Variants in GPHN observed in about 807,000 individuals in gnomAD.
GPHN encodes the protein gephyrin.
In GPHN, 17 loss-of-function variants were observed where a neutral mutation model predicts 95.5. That is an observed-to-expected ratio of 0.18 (90% CI 0.12 to 0.27). The LOEUF (loss-of-function observed/expected upper bound fraction) is 0.27. Ranked by LOEUF, GPHN falls within the 10% of genes least tolerant of loss-of-function variation. GPHN has a pLI of 1.00. For synonymous variants in GPHN, 320 were observed against 322.5 expected, an observed-to-expected ratio of 0.99 and a Z score of 0.08; for missense variants, 660 against 978.1, an observed-to-expected ratio of 0.67 and a Z score of 4.34.
chr14:67,137,208 C>T (rs919828540), intron 17 of GPHN, among the ~76,000 whole-genome samples: 2 of 150,992 alleles, frequency 1.3e-5, no homozygotes, highest in African/African-American at 2.4e-5. Context: ...TGCAGTGGCA[C>T]GATCTCTGCT....
downstream of GPHN, among the ~76,000 whole-genome samples, chr14:67,183,591 C>T (rs1429149297): frequency 1.3e-5 from 2 of 151,950 alleles, no homozygotes; most frequent in African/African-American, 4.8e-5. Flanking sequence ...GAGGTGGAGT[C>T]TTGCTCTTGT....
At chr14:67,281,226 A>G in the GPHN span, among the ~76,000 whole-genome samples, 316 of 152,154 alleles carry the variant, frequency 2.1e-3, no homozygotes, top group African/African-American at 7.2e-3. Flanking sequence ...ACTACATCAC[A>G]TCATCTTCTT....
At chr14:67,378,803 T>G in the GPHN span, among the ~76,000 whole-genome samples, 1 of 152,244 alleles carries the variant, frequency 6.6e-6, no homozygotes, top group Non-Finnish European at 1.5e-5. Context: ...TTTCTTTTAA[T>G]TACATAAAAT....
intron 2 of GPHN, among the ~76,000 whole-genome samples, chr14:66,734,717 C>A (rs1458742223): frequency 6.6e-6 from 1 of 152,156 alleles, no homozygotes; most frequent in South Asian, 2.1e-4. Context: ...GGATCATAAT[C>A]ATAGCAAACA....
intron 11 of GPHN, among the ~76,000 whole-genome samples, chr14:67,063,403 T>G (rs1214532616): frequency 1.3e-5 from 2 of 152,226 alleles, no homozygotes; most frequent in African/African-American, 4.8e-5. Context: ...TAGGATTGTC[T>G]TGGCAATGAG....
At chr14:67,569,146 G>T in the GPHN span, 1 of 1,611,382 alleles carries the variant, frequency 6.2e-7, no homozygotes, top group Non-Finnish European at 8.5e-7. Flanking sequence ...AGGAGAGCCG[G>T]ATCTATGCTG....
chr14:67,596,225 T>A, the GPHN span, among the ~76,000 whole-genome samples: 1 of 151,378 alleles, frequency 6.6e-6, no homozygotes, highest in Non-Finnish European at 1.5e-5. Flanking sequence ...ACCTCCCGGG[T>A]TCAAGTGATT....
At chr14:67,340,541 A>C in the GPHN span, 2 of 1,579,880 alleles carry the variant, frequency 1.3e-6, no homozygotes, top group Non-Finnish European at 1.7e-6. Context: ...AAAAAATAAT[A>C]TGTGTGAGAA....
chr14:66,842,267 C>T (rs1596108606), intron 4 of GPHN, among the ~76,000 whole-genome samples: 1 of 152,256 alleles, frequency 6.6e-6, no homozygotes, highest in East Asian at 1.9e-4. Context: ...GATTCTTTCT[C>T]ATCCACTTTC....
At chr14:67,615,691 C>T in the GPHN span, 31 of 492,734 alleles carry the variant, frequency 6.3e-5, no homozygotes, top group Middle Eastern at 1.9e-3. Context: ...AGACAAGGCC[C>T]GTTACGAAAG....
chr14:66,743,675 G>A (rs2072998568), intron 2 of GPHN, among the ~76,000 whole-genome samples: 1 of 152,182 alleles, frequency 6.6e-6, no homozygotes, highest in Non-Finnish European at 1.5e-5. Flanking sequence ...ACGGGAGGCG[G>A]TGCTTGCAGT....
chr14:67,133,529 G>A (rs538726903), intron 17 of GPHN, among the ~76,000 whole-genome samples: 1 of 152,134 alleles, frequency 6.6e-6, no homozygotes, highest in East Asian at 1.9e-4. Flanking sequence ...CCAGAATCAG[G>A]ATTATAGTAA....
At chr14:67,616,137 AC>A in the GPHN span, 3 of 259,180 alleles carry the variant, frequency 1.2e-5, no homozygotes, top group Non-Finnish European at 2.4e-5. Context: ...AAAGCATTTA[AC>A]CCCCCTGTAC....
the GPHN span, among the ~76,000 whole-genome samples, chr14:67,284,745 T>C: frequency 6.6e-6 from 1 of 151,944 alleles, no homozygotes; most frequent in South Asian, 2.1e-4. Flanking sequence ...TTACATAACA[T>C]AGGCTCTTTT....
chr14:66,720,411 G>T (rs1257642550), intron 2 of GPHN, among the ~76,000 whole-genome samples: 1 of 152,072 alleles, frequency 6.6e-6, no homozygotes, highest in East Asian at 1.9e-4. Flanking sequence ...AAAATTTGCT[G>T]GGGGTGGTTG....
At chr14:67,522,204 A>G in the GPHN span, among the ~76,000 whole-genome samples, 1 of 152,080 alleles carries the variant, frequency 6.6e-6, no homozygotes, top group Non-Finnish European at 1.5e-5. Context: ...AAAAGGAAAG[A>G]AAGTTGGGGA....
the GPHN span, among the ~76,000 whole-genome samples, chr14:67,371,279 G>A: frequency 6.6e-6 from 1 of 152,024 alleles, no homozygotes; most frequent in African/African-American, 2.4e-5. Context: ...GCTGGGTGTG[G>A]TGGTGTGTAC....
At chr14:67,330,898 T>C in the GPHN span, among the ~76,000 whole-genome samples, 2 of 152,258 alleles carry the variant, frequency 1.3e-5, no homozygotes, top group African/African-American at 2.4e-5. Flanking sequence ...TTTTCAAATT[T>C]GTTGAGCCTT....
At chr14:66,817,316 T>C (rs926232773) in intron 3 of GPHN, among the ~76,000 whole-genome samples, 1 of 152,160 alleles carries the variant, frequency 6.6e-6, no homozygotes. Flanking sequence ...AATTAACTTA[T>C]ATAATCATAT....
Sources: allele counts gnomAD v4.1 joint callset (sites outside exome capture counted in the v4.1 genomes callset), GRCh38; gene constraint gnomAD v4.1.1; transcripts MANE v1.5; gene names NCBI Gene and HGNC (gene_info 2026-07-23, HGNC 2026-07-21).